ZNF552: variants seen among roughly 807,000 people sequenced by gnomAD.
ZNF552 encodes zinc finger protein 552.
Under a neutral mutation model 7.2 loss-of-function variants are expected in ZNF552, and 2 were observed. That is an observed-to-expected ratio of 0.28 (90% CI 0.11 to 0.88). ZNF552 has a LOEUF of 0.88. Ranked by LOEUF, ZNF552 falls within the 40% of genes least tolerant of loss-of-function variation. The pLI is 0.60. For synonymous variants in ZNF552, 173 were observed against 176.5 expected (o/e 0.98, Z 0.16); for missense variants, 421 against 493.4 (o/e 0.85, Z 1.39).
rs766929779 is a variant in ZNF552, at chr19:57,808,648, G to A, written c.616C>T (p.His206Tyr). The change falls in exon 3 of 3, where the codon CAT becomes TAT. Residue 206 changes from histidine to tyrosine, a missense_variant. Physicochemically the swap from His to Tyr is moderately conservative, Grantham distance 83. Transcript: ENST00000391701. Reference sequence around the variant, plus strand: ...CAGCTGTAATGGCTTTTTCCCCCATGAAACAGAGACACACACTCAGTTTTG... The same window carrying A: ...CAGCTGTAATGGCTTTTTCCCCCATAAAACAGAGACACACACTCAGTTTTG... ...NSKTECVSLF[H>Y]GGKSHYSCGG... is the part of the protein sequence containing the mutation. The A allele has an allele frequency of 4.3e-6, 7 of 1,614,146 alleles. No homozygotes were observed. Among genetic ancestry groups the A allele is most frequent in the Non-Finnish European group, 5.9e-6 (7 of 1,180,014 alleles).
rs1191815921 is a variant in ZNF552 at position 57,808,762 on chromosome 19, A to C, written c.502T>G (p.Ser168Ala). The change falls in exon 3 of 3, where the codon TCA becomes GCA. Residue 168 changes from serine (S) to alanine (A), a missense_variant. By Grantham distance (99) the Ser-to-Ala change is moderately conservative (BLOSUM62 1). Around this residue, in one of 2 missense-constraint regions of ZNF552, gnomAD observed 299 missense variants for 293.7 expected, o/e 1.02. Transcript: ENST00000391701. ...KRCKLHVSGE[S>A]SVFSESGKDF... ...TTCCCACTCTCACTGAAGACAGATG[A>C]CTCCCCTGACACATGCAACTTACAC... The C allele has an allele frequency of 6.2e-7, 1 of 1,613,838 alleles. No homozygotes were observed. The highest frequency in any genetic ancestry group is 8.5e-7 in the Non-Finnish European group (1 of 1,179,996).
At position 57,807,849 on chromosome 19, in the gene ZNF552, G is replaced by T. The variant is rs901839067; in HGVS notation, c.*191C>A. 4 of 851,670 alleles carry T rather than the reference G, an allele frequency of 4.7e-6. No homozygotes were observed. Among genetic ancestry groups the T allele is most frequent in the Non-Finnish European group, 6.9e-6 (4 of 581,496 alleles). 52.8% of individuals were successfully genotyped at this position (851,670 alleles called of 1,614,324 possible). A position where few individuals can be genotyped will look rare whatever the true frequency, so the allele number is the denominator to read the frequency against. The stretch of plus-strand genomic sequence containing the variant: ...TTCATTCAGTGTTAACTATAATCCT[G>T]AAGGAATACAGAGGTGTGGCTACAA... On this transcript the variant is annotated 3_prime_UTR_variant, in exon 3 of 3. Transcript: ENST00000391701.
Position 57,808,367 on chromosome 19 carries a change from C to T in ZNF552, c.897G>A (p.Glu299=). The T allele has an allele frequency of 6.2e-7, 1 of 1,613,326 alleles. No homozygotes were observed. The highest frequency in any genetic ancestry group is 1.7e-5 in the Admixed American group (1 of 59,998). ...TGTGCCTAAAAAATTTCTGACAAACCTCACACTCATATGGCTTCTCTCCAG... is the reference window on the plus strand; with the variant it reads ...TGTGCCTAAAAAATTTCTGACAAACTTCACACTCATATGGCTTCTCTCCAG... The part of the protein sequence containing the change: ...IHTGEKPYEC[E]VCQKFFRHKY... Residue 299 remains glutamate (E), a synonymous_variant, in exon 3 of 3, where the codon GAG becomes GAA. Coordinates refer to ENST00000391701, the MANE Select transcript of ZNF552 (RefSeq NM_024762.3).
rs1364196108 is a variant in ZNF552 at position 57,808,111 on chromosome 19, A to G, written c.1153T>C (p.Cys385Arg). 1 of 1,613,768 alleles carries G rather than the reference A, an allele frequency of 6.2e-7. No individual in the cohort carries two copies. The highest frequency in any genetic ancestry group is 8.5e-7 in the Non-Finnish European group (1 of 1,179,970). The change falls in exon 3 of 3, where the codon TGT (cysteine) becomes CGT (arginine). Residue 385 changes from cysteine (C) to arginine (R), a missense_variant. Cys to Arg is a radical substitution (Grantham distance 180). This residue lies in a region of ZNF552 where 299 missense variants were observed against 293.7 expected (regional missense o/e 1.02). Coordinates refer to ENST00000391701, the MANE Select transcript of ZNF552 (RefSeq NM_024762.3). ...GAGATTTGCCTAAATTTTTTTTCAC[A>G]TTCACTGCACCCGTAAGGCTTTTCT... ...TGEKPYGCSE[C>R]EKKFRQISSL...
intron 2 of ZNF552, among the ~76,000 whole-genome samples, chr19:57,811,141 A>G (rs1157417274): frequency 6.6e-6 from 1 of 150,694 alleles, no homozygotes; most frequent in African/African-American, 2.4e-5. Context: ...GCTGAGCGCC[A>G]GTCCCCTGGG....
chr19:57,814,500 T>C, intron 1 of ZNF552: 1 of 1,535,948 alleles, frequency 6.5e-7, no homozygotes, highest in Non-Finnish European at 8.7e-7. Context: ...GATCCGTCCA[T>C]CTCCAGGCCA....
At position 57,811,121 on chromosome 19, in the gene ZNF552, T is replaced by A. The variant is rs561929406; in HGVS notation, c.161-2018A>T. Among the ~76,000 whole-genome samples the A allele has an allele frequency of 4.4e-3, 674 of 151,728 alleles. 3 individuals are homozygous for A. The highest frequency in any genetic ancestry group is 6.0e-3 in the Non-Finnish European group (410 of 67,986). On this transcript the variant is annotated intron_variant, in intron 2 of 2. Coordinates refer to ENST00000391701, the MANE Select transcript of ZNF552 (RefSeq NM_024762.3). ...GGTGGCGGCAGGGGGAAGGCAGGGT[T>A]CCTCCGTATGCTGAGCGCCAGTCCC... is the stretch of plus-strand genomic sequence containing the variant.
At position 57,807,857 on chromosome 19, in the gene ZNF552, A is replaced by G. The variant is rs1600089869; in HGVS notation, c.*183T>C. On this transcript the variant is annotated 3_prime_UTR_variant, in exon 3 of 3. Coordinates refer to ENST00000391701, the MANE Select transcript of ZNF552 (RefSeq NM_024762.3). The stretch of plus-strand genomic sequence containing the variant: ...GTGTTAACTATAATCCTGAAGGAAT[A>G]CAGAGGTGTGGCTACAAAACTGCCC... The G allele has an allele frequency of 1.1e-6, 1 of 884,428 alleles. No individual in the cohort carries two copies. Among genetic ancestry groups the G allele is most frequent in the Middle Eastern group, 3.4e-4 (1 of 2,948 alleles). 54.8% of individuals were successfully genotyped at this position (884,428 alleles called of 1,614,324 possible).
chr19:57,814,872 C>G lies in ZNF552; in HGVS notation c.-129G>C. On this transcript the variant is annotated 5_prime_UTR_variant, in exon 1 of 3. Coordinates refer to ENST00000391701, the MANE Select transcript of ZNF552 (RefSeq NM_024762.3). The stretch of plus-strand genomic sequence containing the variant: ...AGTCACCACCACGGTCCCAACACAG[C>G]GCTCCAAGGACTCCCTAACGCCAAT... 3.1e-6 allele frequency: 3 copies of G among 971,356 alleles called. No homozygotes were observed. Among genetic ancestry groups the G allele is most frequent in the South Asian group, 3.3e-5 (2 of 61,302 alleles). The allele number at this position is 971,356 out of a possible 1,614,324, so 60.2% of individuals were successfully genotyped here. A position where few individuals can be genotyped will look rare whatever the true frequency, so the allele number is the denominator to read the frequency against.
At chr19:57,812,751 T>C (rs1318829316) in intron 2 of ZNF552, among the ~76,000 whole-genome samples, 3 of 152,104 alleles carry the variant, frequency 2.0e-5, no homozygotes, top group Admixed American at 2.0e-4. Context: ...ATATTTTCAG[T>C]AGAGATGGGG....
In ZNF552 at chr19:57,813,356, T is replaced by C. The variant is rs776956210; in HGVS notation, c.98A>G (p.Glu33Gly). The C allele has an allele frequency of 9.3e-6, 15 of 1,613,946 alleles. No homozygotes were observed. Among genetic ancestry groups the C allele is most frequent in the Middle Eastern group, 1.6e-4 (1 of 6,084 alleles). ...ATCACGGTACAGGCATCTCTGAGCCTCACTAAGGAGATTCCATTCCTCCTG... is the reference window on the plus strand; with the variant it reads ...ATCACGGTACAGGCATCTCTGAGCCCCACTAAGGAGATTCCATTCCTCCTG... Reference protein sequence around the residue: ...FTQEEWNLLSEAQRCLYRDVT... With the variant: ...FTQEEWNLLSGAQRCLYRDVT... The change falls in exon 2 of 3, where the codon GAG becomes GGG. Residue 33 changes from glutamate (E) to glycine (G), a missense_variant. Physicochemically the swap from Glu to Gly is moderately conservative, Grantham distance 98. Coordinates refer to ENST00000391701, the MANE Select transcript of ZNF552 (RefSeq NM_024762.3).
chr19:57,814,731 CG>C lies in ZNF552; in HGVS notation c.12del (p.Ala5ArgfsTer2). 1 of 1,613,858 alleles carries C rather than the reference CG, an allele frequency of 6.2e-7. No individual in the cohort carries two copies. Among genetic ancestry groups the C allele is most frequent in the Non-Finnish European group, 8.5e-7 (1 of 1,179,966 alleles). MAA[A>X]ALRFPVQGTV... ...ATTACCTGAACGGGGAACCTTAGCG[CG>C]GCCGCCGCCATGGGACCACGTGGGG... is the stretch of plus-strand genomic sequence containing the variant. On this transcript the variant is annotated frameshift_variant, in exon 1 of 3. Coordinates refer to ENST00000391701, the MANE Select transcript of ZNF552 (RefSeq NM_024762.3). LOFTEE classifies it high-confidence loss of function.
intron 2 of ZNF552, among the ~76,000 whole-genome samples, chr19:57,811,204 G>C (rs530822726): frequency 1.3e-5 from 2 of 151,356 alleles, no homozygotes; most frequent in South Asian, 2.1e-4. Flanking sequence ...ACGGAGTCTC[G>C]CTCTGTTGCT....
chr19:57,811,739 CAATG>C (rs1478691715), intron 2 of ZNF552, among the ~76,000 whole-genome samples: 1 of 69,866 alleles, frequency 1.4e-5, no homozygotes, highest in Non-Finnish European at 3.0e-5. Flanking sequence ...AAAAAAAAAA[CAATG>C]GAGAAGGCCA....
chr19:57,808,460 A>G lies in ZNF552; in HGVS notation c.804T>C (p.Tyr268=), dbSNP rs750563465. The G allele has an allele frequency of 2.0e-5, 33 of 1,613,818 alleles. No individual in the cohort carries two copies. The highest frequency in any genetic ancestry group is 2.8e-5 in the Non-Finnish European group (33 of 1,179,918). ...HQGVHTREKP[Y]TCGICGKLFN... The stretch of plus-strand genomic sequence containing the variant: ...ATAATTTCCCACATATCCCACACGT[A>G]TAAGGTTTTTCTCTAGTGTGAACTC... Residue 268 remains tyrosine (Y), a synonymous_variant, in exon 3 of 3, where the codon TAT becomes TAC. Transcript: ENST00000391701.
intron 1 of ZNF552, chr19:57,814,460 C>T (rs1235704463): frequency 1.3e-6 from 2 of 1,498,052 alleles, no homozygotes; most frequent in Admixed American, 2.0e-5. Flanking sequence ...TCCCTACAGG[C>T]GCCTGTGGAC....
At chr19:57,811,608 C>T (rs1987857982) in intron 2 of ZNF552, among the ~76,000 whole-genome samples, 1 of 150,770 alleles carries the variant, frequency 6.6e-6, no homozygotes, top group Non-Finnish European at 1.5e-5. Flanking sequence ...ATCCCAGCTA[C>T]TCAGGAGGCT....
chr19:57,811,038 A>G lies in ZNF552; in HGVS notation c.161-1935T>C, dbSNP rs1445284837. Among the ~76,000 whole-genome samples the G allele has an allele frequency of 2.6e-5, 4 of 152,132 alleles. No homozygotes were observed. In the South Asian group the frequency reaches 6.2e-4, roughly 24 times the overall value. ...CTGAACCTCTCCCCACTATTACCCT[A>G]TTGACCTGCCACATGGTAGAGATAA... On this transcript the variant is annotated intron_variant, in intron 2 of 2. Coordinates refer to ENST00000391701, the MANE Select transcript of ZNF552 (RefSeq NM_024762.3).
rs761946504 is a variant in ZNF552 at position 57,808,356 on chromosome 19, TTC to T, written c.906_907del (p.Lys303IlefsTer3). 35 of 1,613,048 alleles carry T rather than the reference TTC, an allele frequency of 2.2e-5. No homozygotes were observed. ...GAGGTGGTACTTGTGCCTAAAAAATTTCTGACAAACCTCACACTCATATGGCT... is the reference window on the plus strand; with the variant it reads ...GAGGTGGTACTTGTGCCTAAAAAATTTGACAAACCTCACACTCATATGGCT... On this transcript the variant is annotated frameshift_variant, in exon 3 of 3. Transcript: ENST00000391701. LOFTEE classifies it low-confidence loss of function (END_TRUNC).
Sources: gnomAD v4.1 joint callset for allele counts (sites outside exome capture counted in the v4.1 genomes callset) on GRCh38, gnomAD v4.1.1 for gene constraint, gnomAD v4.1.1 regional missense constraint, MANE v1.5 for transcripts, NCBI Gene and HGNC (gene_info 2026-07-23, HGNC 2026-07-21) for gene names.